OSBPL10: variants seen among roughly 807,000 people sequenced by gnomAD.
OSBPL10 encodes the protein oxysterol binding protein like 10.
A neutral mutation model predicts 81.7 loss-of-function variants in OSBPL10; 49 were observed. The ratio of observed to expected loss-of-function variants is 0.60; its 90% CI spans 0.48 to 0.76. The LOEUF is 0.76. Ranked by LOEUF, OSBPL10 falls within the 30% of genes least tolerant of loss-of-function variation. The pLI is 0.00. For synonymous variants in OSBPL10, 419 were observed against 383.6 expected, an observed-to-expected ratio of 1.09 and a Z score of -1.08; for missense variants, 923 against 987.8, an observed-to-expected ratio of 0.93 and a Z score of 0.88.
intron 1 of OSBPL10, among the ~76,000 whole-genome samples, chr3:31,924,247 A>G (rs1479096220): frequency 6.6e-6 from 1 of 151,964 alleles, no homozygotes; most frequent in African/African-American, 2.4e-5. Flanking sequence ...AGAAAAGAAA[A>G]AAAGAAATAT....
In OSBPL10 at chr3:31,773,674, T is replaced by C. The variant is rs1698447773; in HGVS notation, c.730-25554A>G. On this transcript the variant is annotated intron_variant, in intron 4 of 11. Transcript: ENST00000396556. ...GCAAACCAGAAGGTAGGTCTAAAGG[T>C]CTGATTCGATTTGGAATAGGAATAC... Among the ~76,000 whole-genome samples, 5 of 152,148 alleles carry C rather than the reference T, an allele frequency of 3.3e-5. No individual in the cohort carries two copies. The South Asian group carries it at 1.0e-3, about 32-fold the overall frequency.
intron 3 of OSBPL10, among the ~76,000 whole-genome samples, chr3:31,859,965 C>G (rs1182461434): frequency 6.6e-6 from 1 of 152,078 alleles, no homozygotes; most frequent in African/African-American, 2.4e-5. Flanking sequence ...TTGGAGATTG[C>G]CATGTAGGAC....
At chr3:31,951,914 A>C (rs1697881303) in intron 1 of OSBPL10, among the ~76,000 whole-genome samples, 1 of 152,138 alleles carries the variant, frequency 6.6e-6, no homozygotes. Context: ...AGCGAAGAAA[A>C]AAATTAGATA....
chr3:31,996,686 C>T (rs1278049089), intron 2 of OSBPL10, among the ~76,000 whole-genome samples: 1 of 151,948 alleles, frequency 6.6e-6, no homozygotes, highest in African/African-American at 2.4e-5. Context: ...TTGGATCAAA[C>T]CTAATATTCA....
At chr3:31,693,800 C>T (rs1695628733) in intron 7 of OSBPL10, among the ~76,000 whole-genome samples, 1 of 152,144 alleles carries the variant, frequency 6.6e-6, no homozygotes. Flanking sequence ...TAAGGTCTTG[C>T]TCTGTTGCCC....
upstream of OSBPL10, among the ~76,000 whole-genome samples, chr3:31,983,976 T>A (rs1453469075): frequency 6.6e-6 from 1 of 151,502 alleles, no homozygotes. Context: ...AGCACAGGAG[T>A]GTATTATTAC....
chr3:31,977,791 C>A (rs991156160), intron 1 of OSBPL10, among the ~76,000 whole-genome samples: 4 of 152,006 alleles, frequency 2.6e-5, no homozygotes, highest in Non-Finnish European at 5.9e-5. Flanking sequence ...TGTTATTATG[C>A]CTGAAATATT....
At chr3:32,037,266 G>A (rs573011991) in intron 2 of OSBPL10, among the ~76,000 whole-genome samples, 1 of 152,230 alleles carries the variant, frequency 6.6e-6, no homozygotes, top group East Asian at 1.9e-4. Flanking sequence ...CTCTGCAGAA[G>A]CTTTCATTTG....
intron 2 of OSBPL10, among the ~76,000 whole-genome samples, chr3:32,029,548 C>T (rs534109693): frequency 2.0e-4 from 30 of 152,136 alleles, no homozygotes; most frequent in African/African-American, 6.3e-4. Flanking sequence ...TATGTTCTGC[C>T]GGTAACAATA....
At chr3:32,075,812 C>T (rs568626362) in intron 1 of OSBPL10, among the ~76,000 whole-genome samples, 205 of 152,268 alleles carry the variant, frequency 1.3e-3, no homozygotes, top group African/African-American at 4.5e-3. Context: ...CCATCATATC[C>T]CCTGTGACCT....
At position 31,898,024 on chromosome 3, in the gene OSBPL10, AAAAAAAAAAAAAAC is replaced by A. The variant is rs1458720030; in HGVS notation, c.282-18208_282-18195del. On this transcript the variant is annotated intron_variant, in intron 1 of 11. Transcript: ENST00000396556. ...ACTCTGTCAAAAAAAAAAAAAAAAAAAAAAAAAAAAAAACAGAAGAAGAAGAGAAAGGAATGATA... is the reference window on the plus strand; with the variant it reads ...ACTCTGTCAAAAAAAAAAAAAAAAAAAGAAGAAGAAGAGAAAGGAATGATA... Among the ~76,000 whole-genome samples the A allele has an allele frequency of 4.3e-5, 5 of 117,024 alleles. No homozygotes were observed. In the East Asian group the frequency reaches 1.1e-3, roughly 25 times the overall value. 76.8% of individuals were successfully genotyped at this position (117,024 alleles called of 152,430 possible).
chr3:32,003,105 G>A (rs1404778710), intron 2 of OSBPL10, among the ~76,000 whole-genome samples: 1 of 152,254 alleles, frequency 6.6e-6, no homozygotes, highest in Non-Finnish European at 1.5e-5. Context: ...AGGCACCAGA[G>A]TGGGGCAGAG....
chr3:31,961,512 TAG>T (rs1266145393), intron 1 of OSBPL10, among the ~76,000 whole-genome samples: 1 of 152,192 alleles, frequency 6.6e-6, no homozygotes, highest in African/African-American at 2.4e-5. Flanking sequence ...CTGCTCTATT[TAG>T]AGAGTGTGTG....
intron 1 of OSBPL10, among the ~76,000 whole-genome samples, chr3:31,894,512 T>C (rs1695998703): frequency 6.6e-6 from 1 of 152,236 alleles, no homozygotes; most frequent in South Asian, 2.1e-4. Flanking sequence ...TCTAGATTCA[T>C]GGATTCCCAT....
intron 6 of OSBPL10, among the ~76,000 whole-genome samples, chr3:31,707,969 G>C (rs1696126795): frequency 6.6e-6 from 1 of 152,126 alleles, no homozygotes; most frequent in Non-Finnish European, 1.5e-5. Context: ...TAGGCAAGTA[G>C]AAGACAAAGG....
chr3:31,717,517 C>A (rs935968122), intron 6 of OSBPL10, among the ~76,000 whole-genome samples: 1 of 152,100 alleles, frequency 6.6e-6, no homozygotes, highest in Non-Finnish European at 1.5e-5. Context: ...AAGAAATAAA[C>A]CAAGAGCGAA....
chr3:31,967,030 G>A (rs1324831750), intron 1 of OSBPL10, among the ~76,000 whole-genome samples: 1 of 150,926 alleles, frequency 6.6e-6, no homozygotes, highest in African/African-American at 2.4e-5. Context: ...TTAATAAATG[G>A]TTAAAACACA....
chr3:31,988,285 T>C (rs372833267), intron 2 of OSBPL10, among the ~76,000 whole-genome samples: 1 of 152,150 alleles, frequency 6.6e-6, no homozygotes, highest in Admixed American at 6.6e-5. Context: ...GAGGAGCCTC[T>C]CCTACCTAGA....
chr3:32,039,890 G>A (rs772269939), intron 2 of OSBPL10, among the ~76,000 whole-genome samples: 3 of 151,994 alleles, frequency 2.0e-5, no homozygotes, highest in Non-Finnish European at 4.4e-5. Flanking sequence ...GCCTGACAAA[G>A]ACAGTCTCAC....
Sources: gnomAD v4.1 joint callset for allele counts (sites outside exome capture counted in the v4.1 genomes callset) on GRCh38, gnomAD v4.1.1 for gene constraint, MANE v1.5 for transcripts, NCBI Gene and HGNC (gene_info 2026-07-23, HGNC 2026-07-21) for gene names.